SMURF2: variants seen among roughly 807,000 people sequenced by gnomAD.
SMURF2 encodes E3 ubiquitin-protein ligase SMURF2.
In SMURF2, 48 loss-of-function variants were observed where a neutral mutation model predicts 109.6. That is an observed-to-expected ratio of 0.44 (90% CI 0.35 to 0.56). The LOEUF (loss-of-function observed/expected upper bound fraction) is 0.56. Among genes scored for constraint, SMURF2 ranks in the 20% least tolerant of loss-of-function variants. The probability of loss-of-function intolerance (pLI) is 0.01; values close to 1 mark genes in which losing one functional copy is unlikely to be tolerated. For synonymous variants in SMURF2, 288 were observed against 317.1 expected (o/e 0.91, Z 0.97); for missense variants, 575 against 909.0 (o/e 0.63, Z 4.72).
chr17:64,622,443 G>A (rs1970219045), intron 1 of SMURF2, among the ~76,000 whole-genome samples: 1 of 152,106 alleles, frequency 6.6e-6, no homozygotes, highest in African/African-American at 2.4e-5. Flanking sequence ...ATTTAGTCAT[G>A]TCTCCTAATG....
At chr17:64,629,877 A>C (rs1970314418) in intron 1 of SMURF2, among the ~76,000 whole-genome samples, 1 of 152,202 alleles carries the variant, frequency 6.6e-6, no homozygotes, top group African/African-American at 2.4e-5. Flanking sequence ...TAGAGGAAAG[A>C]ACTGTCCTGG....
At chr17:64,626,824 T>C (rs1333603801) in intron 1 of SMURF2, among the ~76,000 whole-genome samples, 1 of 151,610 alleles carries the variant, frequency 6.6e-6, no homozygotes, top group South Asian at 2.1e-4. Context: ...CATTAAAAAA[T>C]TGATGAAATT....
At chr17:64,576,976 T>C (rs28469319) in intron 9 of SMURF2, among the ~76,000 whole-genome samples, 31,813 of 146,436 alleles carry the variant, frequency 0.22, 6,840 homozygotes, top group African/African-American at 0.55. Context: ...CGCCTCCCAC[T>C]TTAGCCTCGC....
intron 2 of SMURF2, among the ~76,000 whole-genome samples, chr17:64,599,529 T>C (rs2144664736): frequency 6.6e-6 from 1 of 152,276 alleles, no homozygotes; most frequent in Admixed American, 6.5e-5. Flanking sequence ...CGTGGCCTGT[T>C]ACAACCGGAC....
intron 12 of SMURF2, among the ~76,000 whole-genome samples, chr17:64,559,693 G>A (rs1555684348): frequency 1.3e-5 from 2 of 151,360 alleles, no homozygotes; most frequent in Non-Finnish European, 2.9e-5. Flanking sequence ...ATCACTTGAG[G>A]CCAGGAGTTT....
intron 9 of SMURF2, among the ~76,000 whole-genome samples, chr17:64,576,725 CACATA>C (rs1357225435): frequency 7.9e-5 from 12 of 152,116 alleles, no homozygotes; most frequent in South Asian, 2.1e-4. Flanking sequence ...TATTAAGGAA[CACATA>C]ACAGAACATT....
At chr17:64,549,262 C>CAAAAAA (rs577973821) in intron 16 of SMURF2, among the ~76,000 whole-genome samples, 3 of 41,564 alleles carry the variant, frequency 7.2e-5, no homozygotes, top group African/African-American at 2.5e-4. Flanking sequence ...ACTGTGTCTC[C>CAAAAAA]AAAAAAAAAA....
chr17:64,635,268 G>A (rs782176594), intron 1 of SMURF2, among the ~76,000 whole-genome samples: 1 of 151,818 alleles, frequency 6.6e-6, no homozygotes, highest in African/African-American at 2.4e-5. Context: ...TGGAGGTTGC[G>A]GTGAGCCGAG....
intron 1 of SMURF2, among the ~76,000 whole-genome samples, chr17:64,617,741 T>G (rs1197123976): frequency 6.6e-5 from 10 of 152,252 alleles, no homozygotes; most frequent in Non-Finnish European, 1.5e-4. Flanking sequence ...ACTGTTAGAA[T>G]TACAGGCATG....
chr17:64,631,751 TAAGA>T (rs1175967495), intron 1 of SMURF2, among the ~76,000 whole-genome samples: 1 of 152,172 alleles, frequency 6.6e-6, no homozygotes, highest in Non-Finnish European at 1.5e-5. Context: ...TTATTGGATG[TAAGA>T]AATATTTACA....
At chr17:64,594,064 G>A (rs782376111) in intron 3 of SMURF2, 25 of 153,072 alleles carry the variant, frequency 1.6e-4, no homozygotes, top group Non-Finnish European at 2.6e-4. Flanking sequence ...CTGTATGCAG[G>A]CCTTGAGCGA....
In SMURF2 at chr17:64,546,290, G is replaced by A; in HGVS notation, c.2120C>T (p.Thr707Ile). 6.2e-7 allele frequency: 1 copy of A among 1,614,086 alleles called. No individual in the cohort carries two copies. The highest frequency in any genetic ancestry group is 8.5e-7 in the Non-Finnish European group (1 of 1,179,958). The change falls in exon 18 of 19, where the codon ACT becomes ATT. Residue 707 changes from threonine (T) to isoleucine (I), a missense_variant. Around this residue, in one of 5 missense-constraint regions of SMURF2, gnomAD observed 361 missense variants for 612.1 expected, o/e 0.59. Coordinates refer to ENST00000262435, the MANE Select transcript of SMURF2 (RefSeq NM_022739.4). ...LFTIHQIDACTNNLPKAHTCF... is the reference protein window; with the variant it reads ...LFTIHQIDACINNLPKAHTCF... ...AGTGTGGGCTTTCGGCAGGTTGTTAGTGCAGGCATCAATCTGGTGTATGGT... is the reference window on the plus strand; with the variant it reads ...AGTGTGGGCTTTCGGCAGGTTGTTAATGCAGGCATCAATCTGGTGTATGGT...
intron 9 of SMURF2, among the ~76,000 whole-genome samples, chr17:64,573,758 C>T (rs980902658): frequency 4.1e-5 from 6 of 147,896 alleles, no homozygotes; most frequent in Non-Finnish European, 7.4e-5. Flanking sequence ...CAAATTCAGC[C>T]TCCCAAAGTG....
Position 64,551,674 on chromosome 17 carries a change from G to A in SMURF2, c.1779C>T (p.Gly593=), listed in dbSNP as rs1464353253. Residue 593 remains glycine, a synonymous_variant, in exon 16 of 19, where the codon GGC becomes GGT. Coordinates refer to ENST00000262435, the MANE Select transcript of SMURF2 (RefSeq NM_022739.4). ...GCAGAGCCAAGAATTGAGCCTCAAT[G>A]CCTCGTAAAAATCTCCAGTTCACAT... ...RLYVNWRFLR[G]IEAQFLALQK... 6.2e-7 allele frequency: 1 copy of A among 1,613,890 alleles called. No homozygotes were observed. Among genetic ancestry groups the A allele is most frequent in the Admixed American group, 1.7e-5 (1 of 60,000 alleles).
chr17:64,574,602 G>C (rs1969462205), intron 9 of SMURF2, among the ~76,000 whole-genome samples: 1 of 152,028 alleles, frequency 6.6e-6, no homozygotes, highest in Non-Finnish European at 1.5e-5. Context: ...CCATACAAAA[G>C]GCATATTTGC....
intron 15 of SMURF2, among the ~76,000 whole-genome samples, chr17:64,554,539 C>T (rs2144593552): frequency 6.6e-6 from 1 of 152,134 alleles, no homozygotes; most frequent in Admixed American, 6.5e-5. Context: ...AGACAGTGAC[C>T]CCAGTCAACA....
chr17:64,638,527 T>C (rs1970452675), intron 1 of SMURF2, among the ~76,000 whole-genome samples: 1 of 152,226 alleles, frequency 6.6e-6, no homozygotes, highest in South Asian at 2.1e-4. Context: ...TTAGAAAAGT[T>C]TTCTTTTAGC....
chr17:64,617,644 C>A (rs1439325045), intron 1 of SMURF2, among the ~76,000 whole-genome samples: 2 of 152,022 alleles, frequency 1.3e-5, no homozygotes, highest in African/African-American at 4.8e-5. Flanking sequence ...CACCACCATG[C>A]CTTGCTAATG....
intron 1 of SMURF2, among the ~76,000 whole-genome samples, chr17:64,624,690 G>A (rs1368259730): frequency 6.6e-6 from 1 of 151,848 alleles, no homozygotes; most frequent in Non-Finnish European, 1.5e-5. Flanking sequence ...AAGGTGTGGT[G>A]GCAAATGCCT....
Sources: allele counts gnomAD v4.1 joint callset (sites outside exome capture counted in the v4.1 genomes callset), GRCh38; gene constraint gnomAD v4.1.1; regional missense constraint gnomAD v4.1.1; transcripts MANE v1.5; gene names NCBI Gene and HGNC (gene_info 2026-07-23, HGNC 2026-07-21).